The following LYRM1 variants were observed in gnomAD, a reference collection of about 807,000 sequenced individuals.
The protein encoded by LYRM1 is LYR motif containing 1.
LYRM1 carries 14 observed loss-of-function variants against 14.9 expected under a neutral mutation model. That is an observed-to-expected ratio of 0.94 (90% confidence interval 0.62 to 1.47). The LOEUF (loss-of-function observed/expected upper bound fraction) is 1.47, where lower values mean the gene tolerates loss of function less well. LYRM1 is among the 40% of genes most tolerant of loss of function. The probability of loss-of-function intolerance (pLI) is 0.00; values close to 1 mark genes in which losing one functional copy is unlikely to be tolerated. For synonymous variants in LYRM1, 43 were observed against 56.2 expected (o/e 0.77, Z 1.05); for missense variants, 153 against 149.9 (o/e 1.02, Z -0.11).
chr16:20,924,238 G>T lies in LYRM1; in HGVS notation c.*122G>T. 1 of 616,402 alleles carries T rather than the reference G, an allele frequency of 1.6e-6. No homozygotes were observed. Among genetic ancestry groups the T allele is most frequent in the Non-Finnish European group, 2.9e-6 (1 of 342,322 alleles). The allele number at this position is 616,402 out of a possible 1,614,324, so 38.2% of individuals were successfully genotyped here. On this transcript the variant is annotated 3_prime_UTR_variant, in exon 4 of 4. Transcript: ENST00000567954. Reference sequence around the variant, plus strand: ...ATGTCTTCTTAAAACCTCCACAATTGATTCTCCCCCTGTGATGTAAACTTA... The same window carrying T: ...ATGTCTTCTTAAAACCTCCACAATTTATTCTCCCCCTGTGATGTAAACTTA...
At chr16:20,917,092 C>T (rs1004932627) in intron 2 of LYRM1, among the ~76,000 whole-genome samples, 1 of 151,670 alleles carries the variant, frequency 6.6e-6, no homozygotes, top group African/African-American at 2.4e-5. Flanking sequence ...AGAAGCCCTC[C>T]TAATCTGCAG....
upstream of LYRM1, chr16:20,900,629 GT>G (rs2081988054): frequency 6.6e-6 from 1 of 152,300 alleles, no homozygotes; most frequent in Non-Finnish European, 1.5e-5. Flanking sequence ...TAATGAAAGC[GT>G]AAAGGAAAAA....
chr16:20,908,699 CAG>C (rs1289688584), intron 1 of LYRM1, among the ~76,000 whole-genome samples: 2 of 152,160 alleles, frequency 1.3e-5, no homozygotes, highest in Non-Finnish European at 2.9e-5. Context: ...GAAGAAAAAA[CAG>C]AGTGAAAGAA....
In LYRM1 at chr16:20,901,858, GCTCA is replaced by G. The variant is rs1366654444; in HGVS notation, c.-1+971_-1+974del. 2.0e-5 allele frequency among the ~76,000 whole-genome samples: 3 copies of G among 152,218 alleles called. No homozygotes were observed. The highest frequency in any genetic ancestry group is 7.2e-5 in the African/African-American group (3 of 41,458). ...TTGAAAGGGCCGGCCGGGCGCGGTG[GCTCA>G]CGCCTATAAACCCAGTACTTTGGGA... On this transcript the variant is annotated intron_variant, in intron 1 of 3. Transcript: ENST00000567954. The surrounding 1 kb of genome is among the most constrained non-coding windows in gnomAD (Gnocchi z 4.6).
intron 1 of LYRM1, among the ~76,000 whole-genome samples, chr16:20,912,318 A>G (rs767024647): frequency 6.6e-5 from 10 of 151,392 alleles, no homozygotes; most frequent in Non-Finnish European, 1.2e-4. Context: ...CACCCAGGCT[A>G]GAGTGCAGTG....
chr16:20,908,637 T>G (rs149671853), intron 1 of LYRM1, among the ~76,000 whole-genome samples: 110 of 152,350 alleles, frequency 7.2e-4, no homozygotes, highest in African/African-American at 2.3e-3. Flanking sequence ...AATATTTTTC[T>G]TACTGTAATG....
Position 20,915,706 on chromosome 16 carries a change from A to G in LYRM1, c.151A>G (p.Asn51Asp), listed in dbSNP as rs1000461372. ...LNEARTLFRK[N>D]KNLTDTDLIK... ...TGAAGCCAGAACGCTGTTCCGGAAA[A>G]ACAAAAATGTAAGTAGGCCCCACTT... Residue 51 changes from asparagine to aspartate, a missense_variant, in exon 2 of 4, where the codon AAC becomes GAC. Asn to Asp is a conservative substitution (Grantham distance 23). Coordinates refer to ENST00000567954, the MANE Select transcript of LYRM1 (RefSeq NM_001128302.3). 2.5e-6 allele frequency: 4 copies of G among 1,613,778 alleles called. No individual in the cohort carries two copies. The highest frequency in any genetic ancestry group is 3.3e-5 in the Admixed American group (2 of 59,950).
In LYRM1 at chr16:20,924,259, A is replaced by G. The variant is rs1206906916; in HGVS notation, c.*143A>G. 1.2e-5 allele frequency: 7 copies of G among 597,308 alleles called. No individual in the cohort carries two copies. The African/African-American group carries it at 1.3e-4, about 11-fold the overall frequency. 37.0% of individuals were successfully genotyped at this position (597,308 alleles called of 1,614,324 possible). ...AATTGATTCTCCCCCTGTGATGTAAACTTAGATATCCCTAGAGTTTCTCAG... is the reference window on the plus strand; with the variant it reads ...AATTGATTCTCCCCCTGTGATGTAAGCTTAGATATCCCTAGAGTTTCTCAG... On this transcript the variant is annotated 3_prime_UTR_variant, in exon 4 of 4. Coordinates refer to ENST00000567954, the MANE Select transcript of LYRM1 (RefSeq NM_001128302.3).
At chr16:20,911,727 T>C (rs2082602514) in intron 1 of LYRM1, among the ~76,000 whole-genome samples, 1 of 152,148 alleles carries the variant, frequency 6.6e-6, no homozygotes, top group South Asian at 2.1e-4. Flanking sequence ...GAAATGTAAA[T>C]AGTTATGAAA....
chr16:20,919,329 C>T (rs1301271462), intron 2 of LYRM1, among the ~76,000 whole-genome samples: 1 of 152,054 alleles, frequency 6.6e-6, no homozygotes, highest in African/African-American at 2.4e-5. Context: ...GTTTAATCAA[C>T]ATGAGGGGGG....
chr16:20,921,315 T>C (rs1259960376), intron 3 of LYRM1: 2 of 152,224 alleles, frequency 1.3e-5, no homozygotes, highest in Non-Finnish European at 2.9e-5. Context: ...GGTCTTGAAC[T>C]CCTGGGCTCA....
intron 2 of LYRM1, among the ~76,000 whole-genome samples, chr16:20,919,367 G>A (rs546222454): frequency 3.3e-5 from 5 of 152,054 alleles, no homozygotes; most frequent in Admixed American, 1.3e-4. Flanking sequence ...AGTCAGTGTC[G>A]GTGAGAATAT....
intron 2 of LYRM1, among the ~76,000 whole-genome samples, chr16:20,919,754 T>C (rs1196436309): frequency 2.0e-5 from 3 of 152,222 alleles, no homozygotes; most frequent in African/African-American, 7.2e-5. Context: ...AGGGAGCTAT[T>C]GTTTGTGTGA....
intron 1 of LYRM1, among the ~76,000 whole-genome samples, chr16:20,909,391 C>T (rs1349380347): frequency 1.3e-5 from 2 of 152,134 alleles, no homozygotes; most frequent in East Asian, 1.9e-4. Flanking sequence ...GAAGAAATGT[C>T]GGTCTCAGAA....
chr16:20,911,613 G>C (rs953367424), intron 1 of LYRM1, among the ~76,000 whole-genome samples: 5 of 152,124 alleles, frequency 3.3e-5, no homozygotes, highest in African/African-American at 1.2e-4. Context: ...CCTGTCTTCT[G>C]GTTCAAGGCT....
intron 1 of LYRM1, among the ~76,000 whole-genome samples, chr16:20,913,131 C>G (rs2082687751): frequency 6.6e-6 from 1 of 150,708 alleles, no homozygotes; most frequent in African/African-American, 2.4e-5. Context: ...CAAAGCAATA[C>G]TATAAATGTT....
In LYRM1 at chr16:20,920,093, CAGCCTCA is replaced by C. The variant is rs763127024; in HGVS notation, c.160-28_160-22del. The stretch of plus-strand genomic sequence containing the variant: ...CTATGTACCATTAGAAAGATACTAT[CAGCCTCA>C]TTTCTTTCTCCCTTTTAATAGCTCA... On this transcript the variant is annotated intron_variant, in intron 2 of 3. Transcript: ENST00000567954. The C allele has an allele frequency of 2.0e-6, 3 of 1,467,316 alleles. 1 individual carries two copies. The South Asian group carries it at 3.5e-5, about 17-fold the overall frequency. 90.9% of individuals were successfully genotyped at this position (1,467,316 alleles called of 1,614,324 possible).
At chr16:20,915,459 CAAAA>C (rs566437893) in intron 1 of LYRM1, 93 bp from the exon 2 acceptor site, 308 of 795,212 alleles carry the variant, frequency 3.9e-4, no homozygotes, top group African/African-American at 5.6e-4. Context: ...GACTCCGTCT[CAAAA>C]AAAAAAAAAA....
intron 1 of LYRM1, among the ~76,000 whole-genome samples, chr16:20,910,094 G>A (rs902440361): frequency 6.6e-6 from 1 of 152,220 alleles, no homozygotes; most frequent in African/African-American, 2.4e-5. Flanking sequence ...AGGATGGATA[G>A]GGTTGGTCAG....
Sources: allele counts gnomAD v4.1 joint callset (sites outside exome capture counted in the v4.1 genomes callset), GRCh38; gene constraint gnomAD v4.1.1; non-coding constraint Gnocchi (gnomAD v3.1); transcripts MANE v1.5; gene names NCBI Gene and HGNC (gene_info 2026-07-23, HGNC 2026-07-21).